The following PKD2 variants were observed in gnomAD, a reference collection of about 807,000 sequenced individuals.
The protein encoded by PKD2 is polycystin 2, transient receptor potential cation channel, also known as polycystin-2.
Under a neutral mutation model 105.9 loss-of-function variants are expected in PKD2, and 48 were observed. That is an observed-to-expected ratio of 0.45 (90% confidence interval 0.36 to 0.58). The LOEUF (loss-of-function observed/expected upper bound fraction) is 0.58. Among genes scored for constraint, PKD2 ranks in the 20% least tolerant of loss-of-function variants. The pLI is 0.00. For synonymous variants in PKD2, 464 were observed against 481.1 expected (o/e 0.96, Z 0.46); for missense variants, 1,078 against 1,255.3 (o/e 0.86, Z 2.13).
intron 2 of PKD2, among the ~76,000 whole-genome samples, chr4:88,028,627 G>A (rs1727038710): frequency 6.6e-6 from 1 of 152,228 alleles, no homozygotes; most frequent in Non-Finnish European, 1.5e-5. Context: ...TGGCAACACA[G>A]TACACTGTAG....
intron 13 of PKD2, among the ~76,000 whole-genome samples, chr4:88,068,420 A>T (rs1305682282): frequency 6.6e-6 from 1 of 151,978 alleles, no homozygotes; most frequent in Non-Finnish European, 1.5e-5. Flanking sequence ...CAGAGAGCCG[A>T]GATGGCTCCA....
intron 2 of PKD2, among the ~76,000 whole-genome samples, chr4:88,032,251 C>T (rs1727186423): frequency 6.6e-6 from 1 of 151,960 alleles, no homozygotes; most frequent in Admixed American, 6.6e-5. Context: ...TTCTACAATA[C>T]CCTTTATTTG....
Position 88,054,650 on chromosome 4 carries a change from CTTTTTTTTTTT to C in PKD2, c.1717-1424_1717-1414del, listed in dbSNP as rs1184325520. On this transcript the variant is annotated intron_variant, in intron 7 of 14. Coordinates refer to ENST00000237596, the MANE Select transcript of PKD2 (RefSeq NM_000297.4). ...CTTTAAGGCAGGGATCATGACTCTA[CTTTTTTTTTTT>C]TTTTTTTTTTTGGGACGGAGTCTTG... Among the ~76,000 whole-genome samples, 7 of 81,352 alleles carry C rather than the reference CTTTTTTTTTTT, an allele frequency of 8.6e-5. No individual in the cohort carries two copies. The South Asian group carries it at 1.5e-3, about 18-fold the overall frequency. 53.4% of individuals were successfully genotyped at this position (81,352 alleles called of 152,430 possible). A position where few individuals can be genotyped will look rare whatever the true frequency, so the allele number is the denominator to read the frequency against.
intron 1 of PKD2, among the ~76,000 whole-genome samples, chr4:88,011,968 A>C (rs571138550): frequency 6.6e-6 from 1 of 150,796 alleles, no homozygotes; most frequent in Admixed American, 6.6e-5. Flanking sequence ...TGATTGTCAT[A>C]CCTGGGGGGA....
intron 9 of PKD2, among the ~76,000 whole-genome samples, chr4:88,060,441 C>CATAT (rs60801876): frequency 0.012 from 1,836 of 147,442 alleles, 33 homozygotes; most frequent in African/African-American, 0.043. Context: ...CCACTATATC[C>CATAT]ATATATATAT....
rs117699684 is a variant in PKD2, at chr4:88,050,910, A to T, written c.1549-1081A>T. Among the ~76,000 whole-genome samples, 18 of 152,236 alleles carry T rather than the reference A, an allele frequency of 1.2e-4. No individual in the cohort carries two copies. In the East Asian group the frequency reaches 3.3e-3, roughly 28 times the overall value. ...TGCTATGAGAATCAGTGGGACCATG[A>T]TCTCTATGGTCATCTCAGGAAGGGA... On this transcript the variant is annotated intron_variant, in intron 6 of 14. Coordinates refer to ENST00000237596, the MANE Select transcript of PKD2 (RefSeq NM_000297.4).
At chr4:88,035,924 T>G in intron 2 of PKD2, 1 of 414,260 alleles carries the variant, frequency 2.4e-6, no homozygotes, top group Non-Finnish European at 4.6e-6. Context: ...CGAGTAGGCA[T>G]GTTGGTAGTC....
intron 2 of PKD2, among the ~76,000 whole-genome samples, chr4:88,027,002 G>C (rs1270270747): frequency 6.6e-6 from 1 of 152,226 alleles, no homozygotes; most frequent in Non-Finnish European, 1.5e-5. Context: ...TCGATGTCCA[G>C]GCAGAAGTCT....
Position 88,058,130 on chromosome 4 carries a change from G to T in PKD2, c.2019+27G>T, listed in dbSNP as rs756388567. The T allele has an allele frequency of 2.9e-6, 4 of 1,362,252 alleles. No individual in the cohort carries two copies. The Admixed American group carries it at 6.8e-5, about 23-fold the overall frequency. 84.4% of individuals were successfully genotyped at this position (1,362,252 alleles called of 1,614,324 possible). A position where few individuals can be genotyped will look rare whatever the true frequency, so the allele number is the denominator to read the frequency against. ...TATGTACATTTTTATTTATAGTGAGGTTCAATTTAAACTTCGTAAATCCTT... is the reference window on the plus strand; with the variant it reads ...TATGTACATTTTTATTTATAGTGAGTTTCAATTTAAACTTCGTAAATCCTT... On this transcript the variant is annotated intron_variant, in intron 9 of 14. Coordinates refer to ENST00000237596, the MANE Select transcript of PKD2 (RefSeq NM_000297.4).
At chr4:88,066,990 A>G (rs1489491820) in intron 12 of PKD2, among the ~76,000 whole-genome samples, 2 of 152,220 alleles carry the variant, frequency 1.3e-5, no homozygotes, top group Non-Finnish European at 2.9e-5. Flanking sequence ...GAAAATTTTT[A>G]CAAGGCTCTA....
At chr4:88,054,718 A>G (rs1239406047) in intron 7 of PKD2, among the ~76,000 whole-genome samples, 1 of 144,392 alleles carries the variant, frequency 6.9e-6, no homozygotes, top group Non-Finnish European at 1.5e-5. Context: ...GCAGTGGCAC[A>G]ATCTTAGCTC....
At chr4:88,046,595 C>A in intron 5 of PKD2, 47 bp from the exon 6 acceptor site, 1 of 1,098,352 alleles carries the variant, frequency 9.1e-7, no homozygotes, top group Non-Finnish European at 1.4e-6. Context: ...TGGCTGTATT[C>A]ATGTGTTGTT....
chr4:88,076,647 A>G lies in PKD2; in HGVS notation c.*953A>G, dbSNP rs555967205. On this transcript the variant is annotated 3_prime_UTR_variant, in exon 15 of 15. Transcript: ENST00000237596. ...TGTTCATTTTAAGCAAAATTTTAAG[A>G]AAGTTTTGAAATTCATAAAGCATTT... is the stretch of plus-strand genomic sequence containing the variant. The G allele has an allele frequency of 2.0e-5, 3 of 152,226 alleles. No homozygotes were observed. The highest frequency in any genetic ancestry group is 4.4e-5 in the Non-Finnish European group (3 of 68,042). The allele number at this position is 152,226 out of a possible 1,614,324, so 9.4% of individuals were successfully genotyped here. A position where few individuals can be genotyped will look rare whatever the true frequency, so the allele number is the denominator to read the frequency against.
intron 7 of PKD2, among the ~76,000 whole-genome samples, chr4:88,052,372 G>A (rs762150884): frequency 2.6e-5 from 4 of 152,000 alleles, no homozygotes; most frequent in East Asian, 1.9e-4. Context: ...AGGCCCAAGC[G>A]ATCCTCCCAC....
intron 2 of PKD2, among the ~76,000 whole-genome samples, chr4:88,025,103 G>A (rs191567487): frequency 6.6e-6 from 1 of 151,832 alleles, no homozygotes; most frequent in Admixed American, 6.6e-5. Context: ...TCGCACCACT[G>A]CATTCCAGCC....
At chr4:88,036,128 A>T (rs1318766515) in intron 2 of PKD2, 92 bp from the exon 3 acceptor site, 19 of 1,608,654 alleles carry the variant, frequency 1.2e-5, no homozygotes, top group Non-Finnish European at 1.6e-5. Flanking sequence ...CAAAATGTTT[A>T]TCCACAGGAA....
chr4:88,046,151 A>G (rs1727756099), intron 5 of PKD2, among the ~76,000 whole-genome samples: 1 of 151,996 alleles, frequency 6.6e-6, no homozygotes, highest in African/African-American at 2.4e-5. Context: ...TTAGTTGGGC[A>G]TGGTGCTGCA....
At chr4:88,049,014 T>C (rs535238917) in intron 6 of PKD2, among the ~76,000 whole-genome samples, 2 of 152,216 alleles carry the variant, frequency 1.3e-5, no homozygotes, top group African/African-American at 4.8e-5. Flanking sequence ...ATTGAAATAA[T>C]GGTAGAAAGG....
At position 88,060,441 on chromosome 4, in the gene PKD2, C is replaced by CATATATATATATATATATATATATAT. The variant is rs60801876; in HGVS notation, c.2020-1449_2020-1448insATATATATATATATATATATATATAT. Among the ~76,000 whole-genome samples the CATATATATATATATATATATATATAT allele has an allele frequency of 8.1e-5, 12 of 147,480 alleles. No homozygotes were observed. The East Asian group carries it at 1.8e-3, about 22-fold the overall frequency. Reference sequence around the variant, plus strand: ...TAAGTATTTACTAAGCCACTATATCCATATATATATATATATCATATATAC... The same window carrying CATATATATATATATATATATATATAT: ...TAAGTATTTACTAAGCCACTATATCCATATATATATATATATATATATATATATATATATATATATATCATATATAC... On this transcript the variant is annotated intron_variant, in intron 9 of 14. Transcript: ENST00000237596.
Sources: gnomAD v4.1 joint callset for allele counts (sites outside exome capture counted in the v4.1 genomes callset) on GRCh38, gnomAD v4.1.1 for gene constraint, MANE v1.5 for transcripts, NCBI Gene and HGNC (gene_info 2026-07-23, HGNC 2026-07-21) for gene names.